Variants in NIPAL3 observed in about 807,000 individuals in gnomAD.
The protein encoded by NIPAL3 is NIPA-like protein 3.
In NIPAL3, 41 loss-of-function variants were observed where a neutral mutation model predicts 47.2. The ratio of observed to expected loss-of-function variants is 0.87; its 90% CI spans 0.68 to 1.13. The LOEUF (loss-of-function observed/expected upper bound fraction) is 1.13, where lower values mean the gene tolerates loss of function less well. NIPAL3 is among the 50% of genes most tolerant of loss of function. The pLI is 0.00. For missense variants in NIPAL3, 449 were observed against 530.1 expected, an observed-to-expected ratio of 0.85 and a Z score of 1.50; for synonymous variants, 194 against 209.6, an observed-to-expected ratio of 0.93 and a Z score of 0.64.
At chr1:24,423,869 G>T (rs533433075) in intron 2 of NIPAL3, among the ~76,000 whole-genome samples, 1 of 152,172 alleles carries the variant, frequency 6.6e-6, no homozygotes, top group Non-Finnish European at 1.5e-5. Flanking sequence ...TTGATCTGGG[G>T]TGTGAGAGTT....
At chr1:24,440,796 C>T (rs1478518387) in intron 3 of NIPAL3, among the ~76,000 whole-genome samples, 1 of 152,150 alleles carries the variant, frequency 6.6e-6, no homozygotes, top group African/African-American at 2.4e-5. Flanking sequence ...GTTAATGCCC[C>T]TGGAGGCTGC....
At chr1:24,440,536 T>A (rs1256309532) in intron 3 of NIPAL3, among the ~76,000 whole-genome samples, 3 of 152,244 alleles carry the variant, frequency 2.0e-5, no homozygotes, top group Non-Finnish European at 4.4e-5. Context: ...GCAAAGCTGC[T>A]GGAATTACCA....
chr1:24,449,442 T>A lies in NIPAL3; in HGVS notation c.395-39T>A, dbSNP rs1645825801. 1 of 1,608,838 alleles carries A rather than the reference T, an allele frequency of 6.2e-7. No individual in the cohort carries two copies. The highest frequency in any genetic ancestry group is 8.5e-7 in the Non-Finnish European group (1 of 1,177,346). ...GAACGTGTACTGTATCTTGGGCCTG[T>A]TGTTGCAATGAGTCCGTGACAGCCT... On this transcript the variant is annotated intron_variant, in intron 5 of 11. Transcript: ENST00000374399. The surrounding 1 kb of genome is among the most constrained non-coding windows in gnomAD (Gnocchi z 4.5).
intron 11 of NIPAL3, chr1:24,466,184 C>A: frequency 7.9e-7 from 1 of 1,262,076 alleles, no homozygotes; most frequent in South Asian, 1.4e-5. Context: ...CAGGCCTTGG[C>A]CCTTTCCTGT....
At chr1:24,448,775 A>G (rs373461863) in intron 5 of NIPAL3, among the ~76,000 whole-genome samples, 51 of 152,286 alleles carry the variant, frequency 3.3e-4, no homozygotes, top group African/African-American at 1.2e-3. Context: ...GAACATCCAC[A>G]TATCCTATGG....
chr1:24,453,275 G>A (rs192822269), intron 6 of NIPAL3, 133 bp from the exon 7 acceptor site: 5 of 642,220 alleles, frequency 7.8e-6, no homozygotes, highest in Admixed American at 5.2e-5. Context: ...CAGTAGTTTG[G>A]GAAATGCTGA....
At chr1:24,467,729 A>G (rs775532898) in intron 11 of NIPAL3, among the ~76,000 whole-genome samples, 4 of 152,128 alleles carry the variant, frequency 2.6e-5, no homozygotes, top group Non-Finnish European at 5.9e-5. Context: ...TACTGTTACT[A>G]TTTAAAGTGC....
intron 2 of NIPAL3, among the ~76,000 whole-genome samples, chr1:24,435,017 C>T (rs1645036006): frequency 6.6e-6 from 1 of 152,144 alleles, no homozygotes; most frequent in Non-Finnish European, 1.5e-5. Flanking sequence ...TACTACAAAA[C>T]TATAGTAGTC....
intron 3 of NIPAL3, among the ~76,000 whole-genome samples, chr1:24,441,200 G>A (rs1645366673): frequency 6.6e-6 from 1 of 152,212 alleles, no homozygotes; most frequent in Non-Finnish European, 1.5e-5. Context: ...GCAGGCAGGA[G>A]ACTGTGATCC....
At chr1:24,432,561 A>G (rs958455143) in intron 2 of NIPAL3, among the ~76,000 whole-genome samples, 11 of 152,198 alleles carry the variant, frequency 7.2e-5, no homozygotes, top group African/African-American at 2.4e-4. Flanking sequence ...ATAGAGCTTT[A>G]TATATTATAT....
intron 11 of NIPAL3, among the ~76,000 whole-genome samples, chr1:24,468,199 C>G (rs1035008412): frequency 6.6e-6 from 1 of 152,082 alleles, no homozygotes; most frequent in Non-Finnish European, 1.5e-5. Context: ...CCTGTAGTAC[C>G]AGCCACTCAG....
In NIPAL3 at chr1:24,449,422, T is replaced by A. The variant is rs1645824256; in HGVS notation, c.395-59T>A. 2.5e-6 allele frequency: 4 copies of A among 1,582,208 alleles called. No individual in the cohort carries two copies. In the South Asian group the frequency reaches 4.5e-5, roughly 18 times the overall value. ...GCCTGTTTTTTCATGGCTGAGAACG[T>A]GTACTGTATCTTGGGCCTGTTGTTG... On this transcript the variant is annotated intron_variant, in intron 5 of 11. Coordinates refer to ENST00000374399, the MANE Select transcript of NIPAL3 (RefSeq NM_020448.5). The surrounding 1 kb of genome is among the most constrained non-coding windows in gnomAD (Gnocchi z 4.5).
At chr1:24,417,403 CT>C (rs1644109845) in intron 1 of NIPAL3, among the ~76,000 whole-genome samples, 1 of 152,174 alleles carries the variant, frequency 6.6e-6, no homozygotes, top group Admixed American at 6.5e-5. Context: ...TCTTAAGGCT[CT>C]TATGATTATT....
At chr1:24,444,469 G>A (rs547119540) in intron 4 of NIPAL3, among the ~76,000 whole-genome samples, 1 of 152,318 alleles carries the variant, frequency 6.6e-6, no homozygotes, top group East Asian at 1.9e-4. Context: ...TCAAGCTACG[G>A]ATGGTTTTCT....
At chr1:24,457,599 T>C (rs974058568) in intron 8 of NIPAL3, 1 of 382,626 alleles carries the variant, frequency 2.6e-6, no homozygotes, top group African/African-American at 2.1e-5. Flanking sequence ...TACAGGATAT[T>C]ATCCCCATTT....
chr1:24,465,856 C>A, intron 11 of NIPAL3: 1 of 1,281,128 alleles, frequency 7.8e-7, no homozygotes, highest in Non-Finnish European at 1.0e-6. Context: ...CTTTAAAAAC[C>A]TTTGGAAGTT....
At chr1:24,466,032 G>A (rs1008287946) in intron 11 of NIPAL3, 12 of 1,612,192 alleles carry the variant, frequency 7.4e-6, no homozygotes, top group Non-Finnish European at 1.0e-5. Context: ...GACAACTGCT[G>A]TTCAAGAGGT....
intron 2 of NIPAL3, chr1:24,422,028 T>G (rs1388442660): frequency 1.3e-5 from 2 of 152,240 alleles, no homozygotes; most frequent in African/African-American, 4.8e-5. Flanking sequence ...TAAAGGCTTT[T>G]GTCATTTTAA....
chr1:24,437,480 C>G (rs1474837594), intron 2 of NIPAL3, among the ~76,000 whole-genome samples: 1 of 152,158 alleles, frequency 6.6e-6, no homozygotes, highest in African/African-American at 2.4e-5. Context: ...ATAAACATGT[C>G]CCAAAATGCT....
Sources: allele counts gnomAD v4.1 joint callset (sites outside exome capture counted in the v4.1 genomes callset), GRCh38; gene constraint gnomAD v4.1.1; non-coding constraint Gnocchi (gnomAD v3.1); transcripts MANE v1.5; gene names NCBI Gene and HGNC (gene_info 2026-07-23, HGNC 2026-07-21).